Variants in GSE1 observed in about 807,000 individuals in gnomAD.
The protein encoded by GSE1 is genetic suppressor element 1.
A neutral mutation model predicts 112.6 loss-of-function variants in GSE1; 32 were observed. The ratio of observed to expected loss-of-function variants is 0.28; its 90% confidence interval spans 0.21 to 0.38. GSE1 has a LOEUF of 0.38. Among genes scored for constraint, GSE1 ranks in the 10% least tolerant of loss-of-function variants. The pLI is 1.00. For synonymous variants in GSE1, 1,115 were observed against 735.6 expected (o/e 1.52, Z -8.35); for missense variants, 2,348 against 1,699.2 (o/e 1.38, Z -6.71).
intron 1 of GSE1, among the ~76,000 whole-genome samples, chr16:85,219,210 C>T (rs889732700): frequency 4.0e-5 from 6 of 151,764 alleles, no homozygotes; most frequent in South Asian, 2.1e-4. Context: ...CACAGGGTTT[C>T]ATTATGTTGG....
At chr16:85,463,422 A>G (rs1174908068) in intron 2 of GSE1, among the ~76,000 whole-genome samples, 1 of 152,178 alleles carries the variant, frequency 6.6e-6, no homozygotes, top group Non-Finnish European at 1.5e-5. Flanking sequence ...GACCCCGTGT[A>G]GGGAAGTGGC....
Position 85,460,206 on chromosome 16 carries a change from G to GGAGGAGGCCTT in GSE1, c.2464+102567_2464+102577dup, listed in dbSNP as rs1186561975. 7.9e-5 allele frequency among the ~76,000 whole-genome samples: 12 copies of GGAGGAGGCCTT among 152,328 alleles called. No individual in the cohort carries two copies. The South Asian group carries it at 2.5e-3, about 32-fold the overall frequency. On this transcript the variant is annotated intron_variant, in intron 2 of 2. Transcript: ENST00000637419. The stretch of plus-strand genomic sequence containing the variant: ...TGTTCAAGGTCAAACGGGCTGGCCT[G>GGAGGAGGCCTT]GAGGAGGCCTTGAGTCCCTGATCCT...
At chr16:85,656,292 G>A (rs188836655) in intron 6 of GSE1, 51 bp from the exon 7 acceptor site, 60 of 1,596,936 alleles carry the variant, frequency 3.8e-5, no homozygotes, top group Non-Finnish European at 4.7e-5. Context: ...CCCCAGGTCC[G>A]TCTCTTGTTC....
At chr16:85,396,463 T>C (rs567726269) in intron 2 of GSE1, among the ~76,000 whole-genome samples, 1 of 152,296 alleles carries the variant, frequency 6.6e-6, no homozygotes, top group Admixed American at 6.5e-5. Flanking sequence ...AGCACCCAAG[T>C]CTAGTTCCAT....
At chr16:85,483,018 A>C (rs2050730408) in intron 2 of GSE1, among the ~76,000 whole-genome samples, 1 of 151,992 alleles carries the variant, frequency 6.6e-6, no homozygotes, top group Admixed American at 6.5e-5. Flanking sequence ...TCTGTGTAGC[A>C]GTGCGACGCT....
chr16:85,478,841 TTCTTTCTTTC>T (rs774753962), intron 2 of GSE1, among the ~76,000 whole-genome samples: 376 of 12,692 alleles, frequency 0.03, 6 homozygotes, highest in Middle Eastern at 0.095. Context: ...CTCATTTATT[TTCTTTCTTTC>T]TTTCTTTCTT....
chr16:85,561,872 A>C (rs1192090250), intron 1 of GSE1, among the ~76,000 whole-genome samples: 1 of 152,202 alleles, frequency 6.6e-6, no homozygotes, highest in Non-Finnish European at 1.5e-5. Context: ...GCTTCCAGAA[A>C]GTCAAGGTGT....
At chr16:85,505,958 C>T (rs1365406058) in intron 2 of GSE1, among the ~76,000 whole-genome samples, 1 of 151,204 alleles carries the variant, frequency 6.6e-6, no homozygotes, top group African/African-American at 2.4e-5. Context: ...GGGGGAGACC[C>T]TGTCTCCAAA....
At chr16:85,655,349 G>A (rs1480561341) in intron 5 of GSE1, among the ~76,000 whole-genome samples, 1 of 152,214 alleles carries the variant, frequency 6.6e-6, no homozygotes, top group Non-Finnish European at 1.5e-5. Flanking sequence ...TCTGGCCTGG[G>A]TCCGTGGAGA....
At chr16:85,650,920 G>T (rs1040277862) in intron 3 of GSE1, among the ~76,000 whole-genome samples, 1 of 152,006 alleles carries the variant, frequency 6.6e-6, no homozygotes, top group African/African-American at 2.4e-5. Context: ...AGTGGGAGCT[G>T]CGAGAGGAGA....
At chr16:85,379,712 T>C (rs2047503423) in intron 2 of GSE1, among the ~76,000 whole-genome samples, 1 of 152,030 alleles carries the variant, frequency 6.6e-6, no homozygotes, top group Non-Finnish European at 1.5e-5. Flanking sequence ...GCGCCAGGAG[T>C]CCCGGAGTCC....
At position 85,373,443 on chromosome 16, in the gene GSE1, G is replaced by A. The variant is rs1311633368; in HGVS notation, c.2464+15800G>A. Among the ~76,000 whole-genome samples, 1 of 151,998 alleles carries A rather than the reference G, an allele frequency of 6.6e-6. No homozygotes were observed. Among genetic ancestry groups the A allele is most frequent in the Non-Finnish European group, 1.5e-5 (1 of 68,018 alleles). On this transcript the variant is annotated intron_variant, in intron 2 of 2. Transcript: ENST00000637419. This position sits in a 1 kb window ranked among gnomAD's most constrained non-coding sequence, Gnocchi z 5.1. ...GGAAGAGCAGAGGAGGGGAGGGGAC[G>A]AGAACCTCTCCCCCTCCGCTGCTTT...
chr16:85,572,994 T>C (rs2046072018), intron 1 of GSE1, among the ~76,000 whole-genome samples: 1 of 152,104 alleles, frequency 6.6e-6, no homozygotes, highest in Admixed American at 6.5e-5. Flanking sequence ...CTCAGCCTCC[T>C]GAGTAGCTGG....
At chr16:85,187,596 C>T (rs1013575535) in intron 1 of GSE1, among the ~76,000 whole-genome samples, 8 of 152,218 alleles carry the variant, frequency 5.3e-5, no homozygotes, top group Admixed American at 1.3e-4. Context: ...CAGGAACAGT[C>T]GTGCTGGTCT....
At chr16:85,573,957 G>A (rs1450337685) in intron 1 of GSE1, among the ~76,000 whole-genome samples, 2 of 152,214 alleles carry the variant, frequency 1.3e-5, no homozygotes, top group African/African-American at 4.8e-5. Context: ...AGGAGAACTC[G>A]GGCAGACGTG....
intron 3 of GSE1, among the ~76,000 whole-genome samples, chr16:85,653,822 C>T (rs1037167116): frequency 1.1e-4 from 16 of 152,288 alleles, no homozygotes; most frequent in Admixed American, 9.2e-4. Context: ...GGGCAGCTGT[C>T]GGCGCAGTTG....
chr16:85,625,649 G>C (rs951059496), intron 1 of GSE1, among the ~76,000 whole-genome samples: 69 of 152,236 alleles, frequency 4.5e-4, no homozygotes, highest in Non-Finnish European at 1.2e-4. Context: ...AGCAAGAGAA[G>C]GCTGGGGAGA....
chr16:85,318,734 C>T (rs2046037111), intron 1 of GSE1, among the ~76,000 whole-genome samples: 1 of 152,196 alleles, frequency 6.6e-6, no homozygotes, highest in Admixed American at 6.5e-5. Context: ...TGGGCAGACT[C>T]CAGAGCAGCC....
At chr16:85,342,036 C>G (rs999006829) in intron 1 of GSE1, among the ~76,000 whole-genome samples, 1 of 152,060 alleles carries the variant, frequency 6.6e-6, no homozygotes, top group Non-Finnish European at 1.5e-5. Context: ...CAGGGACTTG[C>G]AGGTGAGCAG....
Sources: gnomAD v4.1 joint callset for allele counts (sites outside exome capture counted in the v4.1 genomes callset) on GRCh38, gnomAD v4.1.1 for gene constraint, Gnocchi (gnomAD v3.1) non-coding constraint, MANE v1.5 for transcripts, NCBI Gene and HGNC (gene_info 2026-07-23, HGNC 2026-07-21) for gene names.